The following CDH18 variants were observed in gnomAD, a reference collection of about 807,000 sequenced individuals.
The protein encoded by CDH18 is cadherin 18.
In CDH18, 31 loss-of-function variants were observed where a neutral mutation model predicts 67.9. The observed-to-expected ratio is 0.46, with a 90% CI of 0.34 to 0.62. The LOEUF is 0.62. Among genes scored for constraint, CDH18 ranks in the 20% least tolerant of loss-of-function variants. The pLI, the probability that CDH18 is intolerant of heterozygous loss-of-function variation, is 0.01. For synonymous variants in CDH18, 362 were observed against 347.2 expected, an observed-to-expected ratio of 1.04 and a Z score of -0.48; for missense variants, 890 against 975.5, an observed-to-expected ratio of 0.91 and a Z score of 1.17.
At chr5:20,008,565 T>C (rs1737131693) in intron 2 of CDH18, among the ~76,000 whole-genome samples, 1 of 152,136 alleles carries the variant, frequency 6.6e-6, no homozygotes, top group East Asian at 1.9e-4. Context: ...GAACTTTTCA[T>C]TTTTAGCTAA....
At chr5:20,532,935 T>C (rs1756505907) in intron 1 of CDH18, among the ~76,000 whole-genome samples, 1 of 151,968 alleles carries the variant, frequency 6.6e-6, no homozygotes, top group Non-Finnish European at 1.5e-5. Context: ...CTCGTACAGT[T>C]TGACTTGTGT....
chr5:20,358,422 G>T (rs1741809542), intron 1 of CDH18, among the ~76,000 whole-genome samples: 1 of 152,146 alleles, frequency 6.6e-6, no homozygotes, highest in South Asian at 2.1e-4. Context: ...TTTCCTATCA[G>T]GTGATAAAGG....
intron 2 of CDH18, among the ~76,000 whole-genome samples, chr5:20,218,518 A>G (rs945512144): frequency 6.6e-6 from 1 of 152,008 alleles, no homozygotes; most frequent in Admixed American, 6.6e-5. Context: ...CCTTAAGAGC[A>G]GTTGATATGC....
rs1554084918 is a variant in CDH18, at chr5:20,056,383, G to GGT, written c.-517-64370_-517-64369insAC. On this transcript the variant is annotated intron_variant, in intron 2 of 14. Coordinates refer to the CDH18 transcript ENST00000507958. ...TTTCACAATCAGGAATGGACAAGCT[G>GGT]TTTTTTTTGTTTGTTTGTTTGTTTT... is the stretch of plus-strand genomic sequence containing the variant. 8.9e-5 allele frequency among the ~76,000 whole-genome samples: 11 copies of GGT among 124,152 alleles called. No individual in the cohort carries two copies. In the East Asian group the frequency reaches 3.2e-3, roughly 37 times the overall value. The allele number at this position is 124,152 out of a possible 152,430, so 81.4% of individuals were successfully genotyped here.
At chr5:20,347,051 G>A (rs1428887050) in intron 1 of CDH18, among the ~76,000 whole-genome samples, 1 of 152,240 alleles carries the variant, frequency 6.6e-6, no homozygotes, top group Non-Finnish European at 1.5e-5. Flanking sequence ...ACTTTGTAGA[G>A]CTAAATTGTT....
At chr5:20,083,681 A>G (rs1462039398) in intron 2 of CDH18, among the ~76,000 whole-genome samples, 5 of 152,212 alleles carry the variant, frequency 3.3e-5, no homozygotes, top group African/African-American at 1.2e-4. Context: ...AAGAGGGTTA[A>G]TTGGACTTAT....
chr5:20,084,520 T>G (rs527961155), intron 2 of CDH18, among the ~76,000 whole-genome samples: 1 of 152,136 alleles, frequency 6.6e-6, no homozygotes, highest in Non-Finnish European at 1.5e-5. Flanking sequence ...ATAGCTCAAC[T>G]AAGCAATGAC....
intron 2 of CDH18, among the ~76,000 whole-genome samples, chr5:19,961,824 G>A (rs1026465568): frequency 6.6e-6 from 1 of 151,660 alleles, no homozygotes; most frequent in African/African-American, 2.4e-5. Context: ...TTTTATTATG[G>A]TCATGTAATA....
chr5:19,482,352 G>A (rs558926661), intron 12 of CDH18, among the ~76,000 whole-genome samples: 1 of 152,122 alleles, frequency 6.6e-6, no homozygotes, highest in East Asian at 1.9e-4. Flanking sequence ...TCCTGACTTC[G>A]TGATCCGCCC....
chr5:20,259,681 C>G (rs1561919567), intron 1 of CDH18, among the ~76,000 whole-genome samples: 1 of 152,276 alleles, frequency 6.6e-6, no homozygotes, highest in Admixed American at 6.5e-5. Context: ...TGCTGGTCAA[C>G]AGTAACCCAT....
chr5:19,535,462 TACTC>T (rs1259146168), intron 9 of CDH18, among the ~76,000 whole-genome samples: 1 of 152,134 alleles, frequency 6.6e-6, no homozygotes. Flanking sequence ...GACTTAAAAA[TACTC>T]ACTCCGAGGT....
intron 2 of CDH18, among the ~76,000 whole-genome samples, chr5:20,043,443 G>A (rs1197527810): frequency 2.6e-5 from 4 of 152,024 alleles, no homozygotes; most frequent in Non-Finnish European, 4.4e-5. Flanking sequence ...TGCTGCTGTG[G>A]CTCCACACCA....
chr5:19,807,356 A>G (rs549905919), intron 3 of CDH18, among the ~76,000 whole-genome samples: 4 of 152,328 alleles, frequency 2.6e-5, no homozygotes, highest in African/African-American at 9.6e-5. Context: ...GTACAGTAAA[A>G]ATACAGTGTT....
At chr5:19,795,517 T>C (rs145241844) in intron 3 of CDH18, among the ~76,000 whole-genome samples, 12 of 152,224 alleles carry the variant, frequency 7.9e-5, no homozygotes, top group Admixed American at 7.9e-4. Context: ...GAAATAAATA[T>C]AGGCACTGAA....
chr5:19,522,160 A>T (rs894130994), intron 9 of CDH18, among the ~76,000 whole-genome samples: 1 of 152,166 alleles, frequency 6.6e-6, no homozygotes, highest in Non-Finnish European at 1.5e-5. Flanking sequence ...TAGTGAATTA[A>T]ATGAAAGATG....
rs75076094 is a variant in CDH18 at position 19,887,157 on chromosome 5, G to GTT, written c.-256-47917_-256-47916dup. On this transcript the variant is annotated intron_variant, in intron 2 of 12. Transcript: ENST00000382275. ...CTAAAAATTTGTTTTTTTGTTTTTT[G>GTT]TTTTTTTTTTTTGCTACCCTTGGCC... Among the ~76,000 whole-genome samples the GTT allele has an allele frequency of 5.1e-5, 7 of 136,760 alleles. No homozygotes were observed. The East Asian group carries it at 6.4e-4, about 13-fold the overall frequency. The allele number at this position is 136,760 out of a possible 152,430, so 89.7% of individuals were successfully genotyped here. A position where few individuals can be genotyped will look rare whatever the true frequency, so the allele number is the denominator to read the frequency against.
At chr5:20,279,478 C>G (rs1367150791) in intron 1 of CDH18, among the ~76,000 whole-genome samples, 1 of 151,674 alleles carries the variant, frequency 6.6e-6, no homozygotes, top group Admixed American at 6.6e-5. Context: ...GCAGGTGGAT[C>G]ACCTGAGGAC....
Position 20,516,588 on chromosome 5 carries a change from C to A in CDH18, c.-580+58874G>T, listed in dbSNP as rs144284290. ...GCAAGCAGTATCTGGGATAAGAATG[C>A]AGCACAGAGAAATTAGAAAAAGTAG... On this transcript the variant is annotated intron_variant, in intron 1 of 14. Coordinates refer to the CDH18 transcript ENST00000507958. Among the ~76,000 whole-genome samples, 12 of 151,822 alleles carry A rather than the reference C, an allele frequency of 7.9e-5. No homozygotes were observed. In the East Asian group the frequency reaches 1.9e-3, roughly 25 times the overall value.
chr5:20,115,660 C>G (rs967918988), intron 2 of CDH18, among the ~76,000 whole-genome samples: 2 of 151,950 alleles, frequency 1.3e-5, no homozygotes, highest in Admixed American at 6.6e-5. Context: ...CACAAATATT[C>G]GGTCTACAAT....
Sources: gnomAD v4.1 joint callset for allele counts (sites outside exome capture counted in the v4.1 genomes callset) on GRCh38, gnomAD v4.1.1 for gene constraint, MANE v1.5 for transcripts, NCBI Gene and HGNC (gene_info 2026-07-23, HGNC 2026-07-21) for gene names.